The following OPCML variants were observed in gnomAD, a reference collection of about 807,000 sequenced individuals.
The protein encoded by OPCML is opioid binding protein/cell adhesion molecule like.
A neutral mutation model predicts 37.8 loss-of-function variants in OPCML; 13 were observed. The observed-to-expected ratio is 0.34, with a 90% confidence interval of 0.22 to 0.55. The LOEUF is 0.55. OPCML is among the 20% of genes least tolerant of loss of function. The pLI, the probability that OPCML is intolerant of heterozygous loss-of-function variation, is 0.91. For missense variants in OPCML, 341 were observed against 435.6 expected, an observed-to-expected ratio of 0.78 and a Z score of 1.93; for synonymous variants, 176 against 168.8, an observed-to-expected ratio of 1.04 and a Z score of -0.33.
chr11:132,918,945 T>G (rs1944696752), intron 2 of OPCML, among the ~76,000 whole-genome samples: 1 of 152,194 alleles, frequency 6.6e-6, no homozygotes, highest in African/African-American at 2.4e-5. Flanking sequence ...TTGGAAAAAT[T>G]CAGGCCGAAT....
At chr11:132,607,131 C>G (rs1254604962) in intron 3 of OPCML, among the ~76,000 whole-genome samples, 2 of 152,228 alleles carry the variant, frequency 1.3e-5, no homozygotes, top group African/African-American at 2.4e-5. Context: ...AGGTGCCCAG[C>G]AAATGACAGG....
intron 1 of OPCML, among the ~76,000 whole-genome samples, chr11:133,499,105 A>G (rs1947849256): frequency 6.6e-6 from 1 of 152,116 alleles, no homozygotes; most frequent in Admixed American, 6.5e-5. Context: ...CGGTGACACA[A>G]TGCTCCCTGT....
At chr11:132,791,996 G>A (rs1937947055) in intron 2 of OPCML, among the ~76,000 whole-genome samples, 2 of 152,178 alleles carry the variant, frequency 1.3e-5, no homozygotes, top group Non-Finnish European at 1.5e-5. Context: ...AAAGAGCTAT[G>A]AATAAAAGCC....
intron 1 of OPCML, among the ~76,000 whole-genome samples, chr11:133,154,679 C>A (rs984028530): frequency 6.6e-6 from 1 of 151,934 alleles, no homozygotes; most frequent in African/African-American, 2.4e-5. Flanking sequence ...AAAATACTAT[C>A]AAAATATGTC....
chr11:133,411,679 C>T (rs530121723), intron 1 of OPCML, among the ~76,000 whole-genome samples: 56 of 152,100 alleles, frequency 3.7e-4, no homozygotes, highest in Non-Finnish European at 7.5e-4. Context: ...GGAGGGGTGG[C>T]CAAATATCCT....
At chr11:132,670,374 A>G (rs1347073203) in intron 2 of OPCML, among the ~76,000 whole-genome samples, 1 of 152,134 alleles carries the variant, frequency 6.6e-6, no homozygotes, top group Non-Finnish European at 1.5e-5. Context: ...ACGGGATCAC[A>G]GAATCCCACA....
At chr11:132,739,042 A>G (rs1945353312) in intron 2 of OPCML, among the ~76,000 whole-genome samples, 1 of 152,190 alleles carries the variant, frequency 6.6e-6, no homozygotes, top group South Asian at 2.1e-4. Flanking sequence ...TAGACCCTTA[A>G]TAACCCGAGA....
chr11:132,739,113 T>C (rs533684499), intron 2 of OPCML, among the ~76,000 whole-genome samples: 70 of 152,354 alleles, frequency 4.6e-4, no homozygotes, highest in South Asian at 1.4e-3. Context: ...CAAATCTTAC[T>C]GAAATAACTT....
At chr11:132,627,608 T>C (rs971781489) in intron 3 of OPCML, among the ~76,000 whole-genome samples, 2 of 152,156 alleles carry the variant, frequency 1.3e-5, no homozygotes, top group South Asian at 2.1e-4. Context: ...GGAGTGGTCA[T>C]GGAGTCTTTA....
At chr11:132,882,083 C>T (rs1223491033) in intron 2 of OPCML, among the ~76,000 whole-genome samples, 2 of 152,000 alleles carry the variant, frequency 1.3e-5, no homozygotes, top group African/African-American at 4.8e-5. Flanking sequence ...ATTTGGTGTT[C>T]AGGCTGGGGA....
chr11:132,458,801 C>A (rs1205017853), intron 4 of OPCML, among the ~76,000 whole-genome samples: 1 of 152,068 alleles, frequency 6.6e-6, no homozygotes, highest in Non-Finnish European at 1.5e-5. Context: ...ACAGGTAGAT[C>A]CCCACATCTG....
At chr11:133,356,589 GCCC>G (rs1264797707) in intron 1 of OPCML, among the ~76,000 whole-genome samples, 2 of 152,128 alleles carry the variant, frequency 1.3e-5, no homozygotes, top group African/African-American at 4.8e-5. Context: ...AGCCAATTAA[GCCC>G]TGTACTATCA....
At chr11:132,947,433 T>C (rs1251603605) in intron 1 of OPCML, among the ~76,000 whole-genome samples, 2 of 152,210 alleles carry the variant, frequency 1.3e-5, no homozygotes, top group Non-Finnish European at 2.9e-5. Flanking sequence ...TTTCCTTCTG[T>C]AACAGCATTT....
At chr11:133,306,928 C>T (rs1942934419) in intron 1 of OPCML, among the ~76,000 whole-genome samples, 1 of 152,150 alleles carries the variant, frequency 6.6e-6, no homozygotes, top group South Asian at 2.1e-4. Context: ...TGAAAATTGC[C>T]TGATCAACTT....
At chr11:132,914,725 A>G (rs1446200768) in intron 2 of OPCML, among the ~76,000 whole-genome samples, 1 of 152,202 alleles carries the variant, frequency 6.6e-6, no homozygotes, top group Non-Finnish European at 1.5e-5. Context: ...GCAGCCACTG[A>G]GTCATGAACA....
chr11:133,481,870 A>G (rs777397579), intron 1 of OPCML, among the ~76,000 whole-genome samples: 5 of 152,234 alleles, frequency 3.3e-5, no homozygotes, highest in South Asian at 2.1e-4. Context: ...AGGCCCTTCT[A>G]TTCCAGGGAT....
chr11:132,623,156 G>A (rs929258995), intron 3 of OPCML, among the ~76,000 whole-genome samples: 5 of 152,138 alleles, frequency 3.3e-5, no homozygotes, highest in Admixed American at 6.5e-5. Context: ...GTTAATGTTT[G>A]CTCCACAAAC....
In OPCML at chr11:132,692,334, G is replaced by T. The variant is rs184825415; in HGVS notation, c.147-35015C>A. Among the ~76,000 whole-genome samples, 376 of 152,280 alleles carry T rather than the reference G, an allele frequency of 2.5e-3. 3 individuals carry two copies. Among genetic ancestry groups the T allele is most frequent in the South Asian group, 5.2e-3 (25 of 4,814 alleles). ...TATAAAATGAGTGCTGTAATTAGGT[G>T]CTGGTAATTAACACTCGTTGCCATG... On this transcript the variant is annotated intron_variant, in intron 2 of 7. Coordinates refer to ENST00000524381, the MANE Select transcript of OPCML (RefSeq NM_001012393.5).
At chr11:132,848,301 A>C (rs2725438) in intron 2 of OPCML, among the ~76,000 whole-genome samples, 4 of 152,068 alleles carry the variant, frequency 2.6e-5, no homozygotes, top group Admixed American at 6.5e-5. Flanking sequence ...CTGTGAACAC[A>C]ATTTCTACAA....
Sources: allele counts gnomAD v4.1 joint callset (sites outside exome capture counted in the v4.1 genomes callset), GRCh38; gene constraint gnomAD v4.1.1; transcripts MANE v1.5; gene names NCBI Gene and HGNC (gene_info 2026-07-23, HGNC 2026-07-21).